The following APP variants were observed in gnomAD, a reference collection of about 807,000 sequenced individuals.
APP encodes the protein amyloid beta precursor protein.
APP carries 31 observed loss-of-function variants against 101.4 expected under a neutral mutation model. The ratio of observed to expected loss-of-function variants is 0.31; its 90% CI spans 0.23 to 0.41. The LOEUF (loss-of-function observed/expected upper bound fraction) is 0.41, where lower values mean the gene tolerates loss of function less well. Among genes scored for constraint, APP ranks in the 10% least tolerant of loss-of-function variants. APP has a pLI of 1.00. For missense variants in APP, 839 were observed against 1,003.7 expected, an observed-to-expected ratio of 0.84 and a Z score of 2.22; for synonymous variants, 366 against 364.4, an observed-to-expected ratio of 1.00 and a Z score of -0.05.
chr21:25,934,401 G>C (rs1447666955), intron 13 of APP: 2 of 152,106 alleles, frequency 1.3e-5, no homozygotes, highest in Non-Finnish European at 2.9e-5. Context: ...GATAAGACAA[G>C]AATTTCTGGT....
intron 1 of APP, among the ~76,000 whole-genome samples, chr21:26,157,195 G>A (rs976685228): frequency 2.6e-5 from 4 of 151,956 alleles, no homozygotes; most frequent in Admixed American, 6.6e-5. Flanking sequence ...TCAGCCTCCC[G>A]AGTAACTGAG....
intron 1 of APP, among the ~76,000 whole-genome samples, chr21:26,146,100 T>G (rs2063149215): frequency 6.6e-6 from 1 of 152,234 alleles, no homozygotes; most frequent in South Asian, 2.1e-4. Context: ...GGCTCATGCC[T>G]GCAGTGGGCA....
In APP at chr21:26,135,040, A is replaced by T. The variant is rs548094506; in HGVS notation, c.58-22894T>A. On this transcript the variant is annotated intron_variant, in intron 1 of 17. Transcript: ENST00000346798. ...CATTTTAACATTTCATCAAATCTCT[A>T]TATCTATACAATAGTGCCCATCTCT... Among the ~76,000 whole-genome samples the T allele has an allele frequency of 3.9e-5, 6 of 152,306 alleles. No individual in the cohort carries two copies. The South Asian group carries it at 1.2e-3, about 32-fold the overall frequency.
intron 5 of APP, 125 bp from the exon 6 acceptor site, chr21:26,022,167 A>G: frequency 8.8e-7 from 1 of 1,142,408 alleles, no homozygotes; most frequent in Non-Finnish European, 1.3e-6. Context: ...TCAATTCAGC[A>G]GGTCTAAGTA....
At chr21:26,146,873 C>A (rs1296515900) in intron 1 of APP, among the ~76,000 whole-genome samples, 1 of 152,146 alleles carries the variant, frequency 6.6e-6, no homozygotes, top group Non-Finnish European at 1.5e-5. Context: ...ACTAGGTAAT[C>A]CAGTATTGGT....
rs1433936833 is a variant in APP, at chr21:25,990,779, A to G, written c.1090+6581T>C. ...ACCTCTACGGCATATCTGGGTCTCAACTCATTAATAAAATTATCAGGTATT... is the reference window on the plus strand; with the variant it reads ...ACCTCTACGGCATATCTGGGTCTCAGCTCATTAATAAAATTATCAGGTATT... On this transcript the variant is annotated intron_variant, in intron 8 of 17. Coordinates refer to ENST00000346798, the MANE Select transcript of APP (RefSeq NM_000484.4). Among the ~76,000 whole-genome samples, 3 of 70,964 alleles carry G rather than the reference A, an allele frequency of 4.2e-5. No individual in the cohort carries two copies. The East Asian group carries it at 1.2e-3, about 28-fold the overall frequency. 46.6% of individuals were successfully genotyped at this position (70,964 alleles called of 152,430 possible). A position where few individuals can be genotyped will look rare whatever the true frequency, so the allele number is the denominator to read the frequency against.
At chr21:26,158,098 G>A (rs1253866762) in intron 1 of APP, 1 of 152,190 alleles carries the variant, frequency 6.6e-6, no homozygotes, top group Non-Finnish European at 1.5e-5. Flanking sequence ...ACTCTAGCTG[G>A]AAGGCCTTCC....
intron 11 of APP, among the ~76,000 whole-genome samples, chr21:25,966,158 C>G (rs938015182): frequency 6.6e-6 from 1 of 152,176 alleles, no homozygotes; most frequent in Non-Finnish European, 1.5e-5. Flanking sequence ...AAGATTTTAT[C>G]GAACTTGGTA....
intron 13 of APP, among the ~76,000 whole-genome samples, chr21:25,918,114 G>C (rs981225257): frequency 6.6e-6 from 1 of 152,194 alleles, no homozygotes; most frequent in Non-Finnish European, 1.5e-5. Flanking sequence ...GTGGAAGACA[G>C]TGAGGAGATT....
chr21:26,121,669 T>C (rs1372860270), intron 1 of APP, among the ~76,000 whole-genome samples: 4 of 152,174 alleles, frequency 2.6e-5, no homozygotes, highest in Non-Finnish European at 1.5e-5. Flanking sequence ...TTATGCAATA[T>C]CATATTCATC....
intron 1 of APP, among the ~76,000 whole-genome samples, chr21:26,158,460 T>C (rs905471922): frequency 1.3e-5 from 2 of 152,146 alleles, no homozygotes; most frequent in African/African-American, 2.4e-5. Flanking sequence ...TAATTTCTGA[T>C]AGCAATGCTC....
chr21:26,145,666 T>C (rs1003506424), intron 1 of APP, among the ~76,000 whole-genome samples: 1 of 152,180 alleles, frequency 6.6e-6, no homozygotes, highest in Non-Finnish European at 1.5e-5. Context: ...AAAGTAAATA[T>C]GTACTACCTT....
chr21:25,952,815 T>G (rs2041150306), intron 13 of APP, among the ~76,000 whole-genome samples: 1 of 152,224 alleles, frequency 6.6e-6, no homozygotes, highest in Non-Finnish European at 1.5e-5. Context: ...ACTGATAAAT[T>G]ATTTCATTTT....
intron 13 of APP, among the ~76,000 whole-genome samples, chr21:25,931,368 G>T (rs2040139333): frequency 6.6e-6 from 1 of 152,196 alleles, no homozygotes; most frequent in Admixed American, 6.5e-5. Context: ...AGTGAAAAGG[G>T]AAGCAGCTTA....
At chr21:26,067,964 C>A (rs1351723450) in intron 3 of APP, among the ~76,000 whole-genome samples, 4 of 151,500 alleles carry the variant, frequency 2.6e-5, no homozygotes, top group Non-Finnish European at 4.4e-5. Flanking sequence ...TTTAGAGACG[C>A]AATTAATTAA....
intron 3 of APP, among the ~76,000 whole-genome samples, chr21:26,088,056 C>CAAGCAATT (rs2061738918): frequency 6.6e-6 from 1 of 152,002 alleles, no homozygotes; most frequent in African/African-American, 2.4e-5. Flanking sequence ...AGGCTGGTCT[C>CAAGCAATT]TAACTGCTGG....
chr21:26,165,165 A>G (rs1320274206), intron 1 of APP, among the ~76,000 whole-genome samples: 1 of 152,232 alleles, frequency 6.6e-6, no homozygotes, highest in Non-Finnish European at 1.5e-5. Flanking sequence ...TAATTGGCCA[A>G]TAAGTAATTT....
intron 12 of APP, among the ~76,000 whole-genome samples, chr21:25,955,050 T>G (rs2000719): frequency 6.6e-6 from 1 of 151,932 alleles, no homozygotes; most frequent in African/African-American, 2.4e-5. Flanking sequence ...GAGGCTCTCT[T>G]AACAGGACCC....
At chr21:25,988,725 G>GAAAAAAAAAAAAAAA (rs2042740480) in intron 8 of APP, among the ~76,000 whole-genome samples, 1 of 111,482 alleles carries the variant, frequency 9.0e-6, no homozygotes, top group African/African-American at 4.1e-5. Context: ...AAAAAAAAAG[G>GAAAAAAAAAAAAAAA]AGACAAAGAT....
Sources: gnomAD v4.1 joint callset for allele counts (sites outside exome capture counted in the v4.1 genomes callset) on GRCh38, gnomAD v4.1.1 for gene constraint, MANE v1.5 for transcripts, NCBI Gene and HGNC (gene_info 2026-07-23, HGNC 2026-07-21) for gene names.